The following OSBPL10 variants were observed in gnomAD, a reference collection of about 807,000 sequenced individuals.
The protein encoded by OSBPL10 is oxysterol binding protein like 10.
Under a neutral mutation model 81.7 loss-of-function variants are expected in OSBPL10, and 49 were observed. That is an observed-to-expected ratio of 0.60 (90% CI 0.48 to 0.76). OSBPL10 has a LOEUF of 0.76. OSBPL10 is among the 30% of genes least tolerant of loss of function. The probability of loss-of-function intolerance (pLI) is 0.00; values close to 1 mark genes in which losing one functional copy is unlikely to be tolerated. For missense variants in OSBPL10, 923 were observed against 987.8 expected, an observed-to-expected ratio of 0.93 and a Z score of 0.88; for synonymous variants, 419 against 383.6, an observed-to-expected ratio of 1.09 and a Z score of -1.08.
chr3:31,898,937 A>G (rs1212160027), intron 1 of OSBPL10, among the ~76,000 whole-genome samples: 5 of 145,322 alleles, frequency 3.4e-5, no homozygotes, highest in Non-Finnish European at 7.5e-5. Flanking sequence ...AGTTTAAGAC[A>G]GTTAACTTTA....
rs72855547 is a variant in OSBPL10, at chr3:32,029,688, A to G, written n.298+16803T>C. The stretch of plus-strand genomic sequence containing the variant: ...GTTCAGCTTGACTACCAAGGAATCT[A>G]ATACTCATGAAAAGAGAGCCAATAA... On this transcript the variant is annotated intron_variant and non_coding_transcript_variant, in intron 2 of 3. Transcript: ENST00000479173. 1.8e-3 allele frequency among the ~76,000 whole-genome samples: 277 copies of G among 152,324 alleles called. 1 individual carries two copies. The highest frequency in any genetic ancestry group is 6.3e-3 in the African/African-American group (263 of 41,584).
chr3:31,905,162 A>G (rs1276009753), intron 1 of OSBPL10, among the ~76,000 whole-genome samples: 8 of 152,078 alleles, frequency 5.3e-5, no homozygotes, highest in African/African-American at 1.7e-4. Flanking sequence ...TCTGAACAAA[A>G]TCACTGTCTT....
intron 1 of OSBPL10, among the ~76,000 whole-genome samples, chr3:31,958,206 A>G (rs898048396): frequency 2.0e-5 from 3 of 152,206 alleles, no homozygotes; most frequent in Non-Finnish European, 2.9e-5. Flanking sequence ...TGAATAGCCA[A>G]TTACCTGATT....
At chr3:31,895,559 T>A (rs554616371) in intron 1 of OSBPL10, among the ~76,000 whole-genome samples, 61 of 152,292 alleles carry the variant, frequency 4.0e-4, no homozygotes, top group African/African-American at 1.2e-3. Flanking sequence ...ACAATTGCAG[T>A]CAACGTGGAG....
At chr3:31,875,693 A>G (rs1337630123) in intron 3 of OSBPL10, among the ~76,000 whole-genome samples, 3 of 152,220 alleles carry the variant, frequency 2.0e-5, no homozygotes, top group Admixed American at 1.3e-4. Context: ...TGGAATCATC[A>G]GAAGTTTGAA....
At chr3:31,737,282 G>A (rs751094894) in intron 5 of OSBPL10, among the ~76,000 whole-genome samples, 38 of 152,108 alleles carry the variant, frequency 2.5e-4, no homozygotes, top group Non-Finnish European at 3.1e-4. Flanking sequence ...ATTTGGAGAC[G>A]AAGGCAAAAA....
At chr3:31,874,765 C>T (rs1043574435) in intron 3 of OSBPL10, among the ~76,000 whole-genome samples, 1 of 152,032 alleles carries the variant, frequency 6.6e-6, no homozygotes, top group Non-Finnish European at 1.5e-5. Context: ...GTACAAATAA[C>T]GGCAACCGTT....
intron 2 of OSBPL10, chr3:31,989,743 G>A (rs1304934472): frequency 6.2e-6 from 10 of 1,614,100 alleles, no homozygotes; most frequent in Non-Finnish European, 8.5e-6. Context: ...ACTAAAACAG[G>A]AAGTACACAT....
chr3:31,844,773 T>C (rs1329285984), intron 3 of OSBPL10, among the ~76,000 whole-genome samples: 1 of 152,226 alleles, frequency 6.6e-6, no homozygotes, highest in East Asian at 1.9e-4. Context: ...AATTGTCCTC[T>C]TTAAAAATGG....
intron 1 of OSBPL10, among the ~76,000 whole-genome samples, chr3:31,949,952 T>C (rs1697822569): frequency 6.6e-6 from 1 of 152,030 alleles, no homozygotes; most frequent in South Asian, 2.1e-4. Flanking sequence ...AGTTATGCAG[T>C]GGGTTGAAGT....
chr3:31,813,031 C>T (rs1699749153), intron 4 of OSBPL10, among the ~76,000 whole-genome samples: 1 of 152,100 alleles, frequency 6.6e-6, no homozygotes, highest in South Asian at 2.1e-4. Flanking sequence ...TGTTTTACAT[C>T]GAAATCTCTC....
At chr3:31,767,044 T>G in intron 4 of OSBPL10, among the ~76,000 whole-genome samples, 1 of 152,196 alleles carries the variant, frequency 6.6e-6, no homozygotes, top group East Asian at 1.9e-4. Context: ...CTTTCCCTGG[T>G]GATTCCTAAG....
chr3:31,729,169 G>A (rs1380517279), intron 6 of OSBPL10, among the ~76,000 whole-genome samples: 1 of 152,168 alleles, frequency 6.6e-6, no homozygotes, highest in African/African-American at 2.4e-5. Context: ...AAACAGTTAA[G>A]GTTTTGTTGC....
intron 7 of OSBPL10, chr3:31,701,597 C>G (rs1695897971): frequency 6.6e-6 from 1 of 152,150 alleles, no homozygotes; most frequent in Admixed American, 6.5e-5. Context: ...AGGCTGAACT[C>G]CAGGCTCTTT....
chr3:31,792,738 AGAGTGTGTGTGT>A (rs1459451061), intron 4 of OSBPL10, among the ~76,000 whole-genome samples: 16 of 104,976 alleles, frequency 1.5e-4, no homozygotes, highest in African/African-American at 6.4e-4. Flanking sequence ...ATCCAGACAC[AGAGTGTGTGTGT>A]GTGTGTGTGT....
chr3:32,076,314 G>C (rs1402844612), intron 1 of OSBPL10, among the ~76,000 whole-genome samples: 2 of 151,800 alleles, frequency 1.3e-5, no homozygotes, highest in African/African-American at 4.8e-5. Context: ...CTTGTAGTGA[G>C]CAGAGATTGC....
At chr3:31,747,827 T>G in intron 5 of OSBPL10, 83 bp downstream of exon 5, 1 of 1,368,304 alleles carries the variant, frequency 7.3e-7, no homozygotes, top group Non-Finnish European at 1.0e-6. Flanking sequence ...GAGAAATGGA[T>G]GGAATTAAAG....
intron 2 of OSBPL10, chr3:31,990,578 A>G (rs1304319539): frequency 6.2e-7 from 1 of 1,613,892 alleles, no homozygotes; most frequent in Non-Finnish European, 8.5e-7. Context: ...CTTGTAATTC[A>G]TAAGGCAATT....
chr3:31,833,705 G>GCACGCACACACA (rs1553631716), intron 3 of OSBPL10, among the ~76,000 whole-genome samples: 3 of 137,962 alleles, frequency 2.2e-5, no homozygotes, highest in Non-Finnish European at 4.6e-5. Context: ...ACACGCACAC[G>GCACGCACACACA]CACACACACA....
Sources: gnomAD v4.1 joint callset for allele counts (sites outside exome capture counted in the v4.1 genomes callset) on GRCh38, gnomAD v4.1.1 for gene constraint, MANE v1.5 for transcripts, NCBI Gene and HGNC (gene_info 2026-07-23, HGNC 2026-07-21) for gene names.